SLCO1A2: variants seen among roughly 807,000 people sequenced by gnomAD.
SLCO1A2 encodes the protein solute carrier organic anion transporter family member 1A2.
Under a neutral mutation model 69.0 loss-of-function variants are expected in SLCO1A2, and 67 were observed. The ratio of observed to expected loss-of-function variants is 0.97; its 90% CI spans 0.80 to 1.19. The LOEUF (loss-of-function observed/expected upper bound fraction) is 1.19, where lower values mean the gene tolerates loss of function less well. SLCO1A2 is among the 50% of genes most tolerant of loss of function. The pLI, the probability that SLCO1A2 is intolerant of heterozygous loss-of-function variation, is 0.00. For synonymous variants in SLCO1A2, 260 were observed against 265.9 expected, an observed-to-expected ratio of 0.98 and a Z score of 0.22; for missense variants, 787 against 793.7, an observed-to-expected ratio of 0.99 and a Z score of 0.10.
chr12:21,382,327 G>C (rs1940636601), intron 1 of SLCO1A2, among the ~76,000 whole-genome samples: 2 of 152,126 alleles, frequency 1.3e-5, no homozygotes, highest in Non-Finnish European at 1.5e-5. Flanking sequence ...TAGAGATTCA[G>C]AAGCGGGAGG....
intron 3 of SLCO1A2, among the ~76,000 whole-genome samples, 157 bp from the exon 4 acceptor site, chr12:21,314,838 C>T (rs1247421602): frequency 4.6e-5 from 7 of 152,126 alleles, no homozygotes; most frequent in Admixed American, 3.3e-4. Context: ...ATGAATATAA[C>T]ACAATCCCTG....
chr12:21,409,635 C>T (rs1941876081), intron 1 of SLCO1A2, among the ~76,000 whole-genome samples: 1 of 152,098 alleles, frequency 6.6e-6, no homozygotes, highest in African/African-American at 2.4e-5. Flanking sequence ...AAGCTCTAGT[C>T]AAAATTGGGA....
intron 2 of SLCO1A2, among the ~76,000 whole-genome samples, chr12:21,348,559 T>C (rs749636115): frequency 6.6e-6 from 1 of 152,198 alleles, no homozygotes; most frequent in Non-Finnish European, 1.5e-5. Context: ...TCCATTCATG[T>C]TGCAAATGAC....
chr12:21,333,434 T>TA (rs1415154141), intron 2 of SLCO1A2, among the ~76,000 whole-genome samples: 1 of 152,118 alleles, frequency 6.6e-6, no homozygotes, highest in East Asian at 1.9e-4. Context: ...GCAAATTTGT[T>TA]AAAAATAGTT....
intron 2 of SLCO1A2, among the ~76,000 whole-genome samples, chr12:21,362,542 C>T (rs918693652): frequency 5.3e-5 from 8 of 152,166 alleles, no homozygotes; most frequent in Non-Finnish European, 1.2e-4. Flanking sequence ...AAAATTCACA[C>T]ATAACAATAT....
intron 2 of SLCO1A2, among the ~76,000 whole-genome samples, chr12:21,341,541 T>A (rs1348360833): frequency 1.3e-5 from 2 of 152,094 alleles, no homozygotes; most frequent in Non-Finnish European, 2.9e-5. Context: ...ATTATTGTAT[T>A]TTGTGTTGTC....
chr12:21,391,975 C>G (rs1941178204), intron 1 of SLCO1A2, among the ~76,000 whole-genome samples: 1 of 152,168 alleles, frequency 6.6e-6, no homozygotes, highest in African/African-American at 2.4e-5. Flanking sequence ...CAAAGCTGCT[C>G]TATCTCCTCT....
chr12:21,347,701 A>AAGGAAGG (rs1565510480), intron 2 of SLCO1A2, among the ~76,000 whole-genome samples: 3 of 70,670 alleles, frequency 4.2e-5, no homozygotes, highest in Middle Eastern at 8.1e-3. Flanking sequence ...AGGAAGGAAG[A>AAGGAAGG]AGGAAAAAAG....
chr12:21,310,257 G>T (rs1289777022), intron 4 of SLCO1A2, among the ~76,000 whole-genome samples: 1 of 152,110 alleles, frequency 6.6e-6, no homozygotes, highest in Non-Finnish European at 1.5e-5. Context: ...CAACTCACAT[G>T]AATTTTTTTA....
rs527282180 is a variant in SLCO1A2, at chr12:21,371,741, G to A, written c.-63+2658C>T. Among the ~76,000 whole-genome samples the A allele has an allele frequency of 2.5e-3, 380 of 152,208 alleles. 5 individuals carry two copies. The highest frequency in any genetic ancestry group is 7.9e-3 in the African/African-American group (328 of 41,542). On this transcript the variant is annotated intron_variant, in intron 2 of 15. Transcript: ENST00000307378. ...AAAGAGGATGGGTGCGGTGGCTGAC[G>A]CCTGTAATCCCAGCACTTTGGGAGG...
intron 2 of SLCO1A2, among the ~76,000 whole-genome samples, chr12:21,342,447 T>A (rs933738689): frequency 6.6e-6 from 1 of 152,044 alleles, no homozygotes; most frequent in African/African-American, 2.4e-5. Flanking sequence ...TAAAATATTT[T>A]AAGTATAAAA....
At chr12:21,381,933 G>C (rs1297697786) in intron 1 of SLCO1A2, among the ~76,000 whole-genome samples, 1 of 152,222 alleles carries the variant, frequency 6.6e-6, no homozygotes, top group Admixed American at 6.5e-5. Context: ...TCCTTAAAGA[G>C]ATAAAAGTAC....
chr12:21,304,491 G>T lies in SLCO1A2; in HGVS notation c.525C>A (p.Ile175=). The T allele has an allele frequency of 6.2e-7, 1 of 1,612,158 alleles. No homozygotes were observed. Among genetic ancestry groups the T allele is most frequent in the South Asian group, 1.1e-5 (1 of 91,040 alleles). Residue 175 remains isoleucine (I), a synonymous_variant, in exon 6 of 15, where the codon ATC becomes ATA. Coordinates refer to ENST00000683939, the MANE Select transcript of SLCO1A2 (RefSeq NM_001386879.1). ...NIVRGMGETP[I]LPLGISYIED... ...CTATATAGGAAATACCCAAAGGCAG[G>T]ATGGGAGTTTCACCCATTCCACGTA...
chr12:21,300,590 T>A, intron 7 of SLCO1A2, 21 bp from the exon 8 acceptor site: 1 of 1,539,506 alleles, frequency 6.5e-7, no homozygotes, highest in African/African-American at 1.4e-5. Context: ...ATACACACAC[T>A]GTTATTAGCT....
chr12:21,271,809 ATATGTACTTATATGTATATAT>A (rs1942913270), intron 14 of SLCO1A2, among the ~76,000 whole-genome samples: 1 of 148,116 alleles, frequency 6.8e-6, no homozygotes, highest in Non-Finnish European at 1.5e-5. Flanking sequence ...AAATATGTAT[ATATGTACTTATATGTATATAT>A]TATATACATA....
intron 2 of SLCO1A2, among the ~76,000 whole-genome samples, chr12:21,321,845 A>G (rs565728744): frequency 1.3e-5 from 2 of 152,070 alleles, no homozygotes; most frequent in South Asian, 4.2e-4. Context: ...TTCCCACCCT[A>G]CTGTGTGCCT....
chr12:21,386,836 C>G (rs1424957999), intron 1 of SLCO1A2, among the ~76,000 whole-genome samples: 2 of 151,900 alleles, frequency 1.3e-5, no homozygotes, highest in Non-Finnish European at 2.9e-5. Context: ...GAAGAGAAGA[C>G]AGGAAAATGT....
intron 2 of SLCO1A2, chr12:21,373,177 A>G (rs1352411553): frequency 4.9e-6 from 3 of 616,396 alleles, no homozygotes; most frequent in African/African-American, 1.9e-5. Context: ...AATTACTTGA[A>G]AAGTGGACAA....
intron 12 of SLCO1A2, among the ~76,000 whole-genome samples, chr12:21,282,692 T>C (rs1245880920): frequency 6.6e-6 from 1 of 152,076 alleles, no homozygotes; most frequent in African/African-American, 2.4e-5. Context: ...TTGAAAAGCC[T>C]AAAGACTCCA....
Sources: allele counts gnomAD v4.1 joint callset (sites outside exome capture counted in the v4.1 genomes callset), GRCh38; gene constraint gnomAD v4.1.1; transcripts MANE v1.5; gene names NCBI Gene and HGNC (gene_info 2026-07-23, HGNC 2026-07-21).